The following FUS variants were observed in gnomAD, a reference collection of about 807,000 sequenced individuals.
FUS encodes RNA-binding protein FUS.
Under a neutral mutation model 82.7 loss-of-function variants are expected in FUS, and 5 were observed. The ratio of observed to expected loss-of-function variants is 0.06; its 90% CI spans 0.03 to 0.13. The LOEUF (loss-of-function observed/expected upper bound fraction) is 0.13, where lower values mean the gene tolerates loss of function less well. FUS is among the 10% of genes least tolerant of loss of function. FUS has a pLI of 1.00. For synonymous variants in FUS, 281 were observed against 247.4 expected (o/e 1.14, Z -1.27); for missense variants, 512 against 707.8 (o/e 0.72, Z 3.14).
At chr16:31,189,283 C>A in intron 9 of FUS, 57 bp downstream of exon 9, 1 of 1,252,586 alleles carries the variant, frequency 8.0e-7, no homozygotes, top group Non-Finnish European at 1.2e-6. Flanking sequence ...GTGGATTTCA[C>A]ACATTAGTAA....
intron 7 of FUS, chr16:31,188,016 C>T (rs2079295640): frequency 2.1e-6 from 1 of 474,542 alleles, no homozygotes; most frequent in Non-Finnish European, 3.8e-6. Context: ...TAATGGGTCT[C>T]CGTTTCCCCT....
chr16:31,192,219 C>A (rs1555509854), downstream of FUS: 7 of 526,112 alleles, frequency 1.3e-5, no homozygotes, highest in South Asian at 1.1e-4. Flanking sequence ...AGGTCATTGA[C>A]ATTATGAGAT....
intron 6 of FUS, 153 bp from the exon 7 acceptor site, chr16:31,186,649 A>AG: frequency 1.4e-6 from 1 of 715,282 alleles, no homozygotes; most frequent in East Asian, 2.7e-5. Flanking sequence ...AGGTCAGACA[A>AG]GGGGTGGTCA....
In FUS at chr16:31,189,101, ATT is replaced by A. The variant is rs760802136; in HGVS notation, c.833-19_833-18del. The A allele has an allele frequency of 2.5e-6, 4 of 1,577,208 alleles. No homozygotes were observed. The South Asian group carries it at 4.4e-5, about 17-fold the overall frequency. ...TTTTATTTTACCTTTTCACATTTGC[ATT>A]TTCTCTGTTCAACAAGCAGAACAGG... On this transcript the variant is annotated intron_variant, in intron 8 of 14. Coordinates refer to ENST00000254108, the MANE Select transcript of FUS (RefSeq NM_004960.4).
intron 3 of FUS, 72 bp downstream of exon 3, chr16:31,182,736 A>T (rs1279805721): frequency 6.3e-7 from 1 of 1,593,748 alleles, no homozygotes; most frequent in Non-Finnish European, 8.6e-7. Context: ...TGTTTTTTGG[A>T]GACGGAGTCT....
chr16:31,189,618 G>A, intron 9 of FUS, 47 bp from the exon 10 acceptor site: 1 of 1,613,334 alleles, frequency 6.2e-7, no homozygotes, highest in Non-Finnish European at 8.5e-7. Context: ...TGGAAAGGGA[G>A]TACTGTAGCC....
chr16:31,194,278 G>A (rs1217421502), downstream of FUS: 2 of 528,780 alleles, frequency 3.8e-6, no homozygotes, highest in South Asian at 3.1e-5. Flanking sequence ...CTTCCTTCCA[G>A]TCTCATCCTT....
In FUS at chr16:31,185,629, A is replaced by G. The variant is rs533172623; in HGVS notation, c.764+450A>G. ...TGACTTCAGCTTCCAGGAATTGGCT[A>G]CTCTTCCCGTTTTCTATAGTCATTT... On this transcript the variant is annotated intron_variant, in intron 6 of 14. Coordinates refer to ENST00000254108, the MANE Select transcript of FUS (RefSeq NM_004960.4). 44 of 489,018 alleles carry G rather than the reference A, an allele frequency of 9.0e-5. 2 individuals carry two copies. Among genetic ancestry groups the G allele is most frequent in the South Asian group, 6.8e-4 (43 of 62,870 alleles). The allele number at this position is 489,018 out of a possible 1,614,324, so 30.3% of individuals were successfully genotyped here.
chr16:31,184,542 C>T (rs2079232861), intron 5 of FUS, 146 bp downstream of exon 5: 13 of 840,778 alleles, frequency 1.5e-5, no homozygotes, highest in South Asian at 3.1e-5. Context: ...CTTCCGGGTT[C>T]GCGCCAGTCT....
At position 31,180,171 on chromosome 16, in the gene FUS, G is replaced by T. The variant is rs370320909; in HGVS notation, c.-44G>T. On this transcript the variant is annotated 5_prime_UTR_variant, in exon 1 of 15. Transcript: ENST00000254108. ...CCTCCAGGCGTCGGTACTCAGCGGT[G>T]TTGGAACTTCGTTGCTTGCTTGCCT... The T allele has an allele frequency of 6.2e-6, 10 of 1,605,584 alleles. No homozygotes were observed. The highest frequency in any genetic ancestry group is 1.1e-5 in the South Asian group (1 of 89,744).
In FUS at chr16:31,185,138, C is replaced by T. The variant is rs2144114844; in HGVS notation, c.723C>T (p.Pro241=). 1.2e-6 allele frequency: 2 copies of T among 1,610,936 alleles called. No homozygotes were observed. The highest frequency in any genetic ancestry group is 2.2e-5 in the South Asian group (2 of 90,764). The part of the protein sequence containing the change: ...GYNRSSGGYE[P]RGRGGGRGGR... Reference sequence around the variant, plus strand: ...ACCGCAGCAGTGGTGGCTATGAACCCAGAGGTCGTGGAGGTGGCCGTGGAG... The same window carrying T: ...ACCGCAGCAGTGGTGGCTATGAACCTAGAGGTCGTGGAGGTGGCCGTGGAG... Residue 241 remains proline (P), a synonymous_variant, in exon 6 of 15, where the codon CCC becomes CCT. Coordinates refer to ENST00000254108, the MANE Select transcript of FUS (RefSeq NM_004960.4).
downstream of FUS, chr16:31,193,962 T>TA (rs1472275715): frequency 1.9e-6 from 1 of 532,166 alleles, no homozygotes; most frequent in Non-Finnish European, 3.6e-6. Flanking sequence ...ACTCTATTCT[T>TA]ACTGAATGAT....
downstream of FUS, chr16:31,193,653 T>G (rs983290857): frequency 3.8e-6 from 2 of 530,918 alleles, no homozygotes; most frequent in Non-Finnish European, 7.3e-6. Flanking sequence ...GACTGTTTAG[T>G]GGGTAGGTCC....
chr16:31,181,437 C>T (rs1392576824), intron 1 of FUS, among the ~76,000 whole-genome samples: 1 of 152,174 alleles, frequency 6.6e-6, no homozygotes, highest in Non-Finnish European at 1.5e-5. Flanking sequence ...ACGGAACCAT[C>T]TGGAGTCCCA....
chr16:31,190,894 T>G lies in FUS; in HGVS notation c.1393+52T>G, dbSNP rs750582927. On this transcript the variant is annotated intron_variant, in intron 13 of 14. Coordinates refer to ENST00000254108, the MANE Select transcript of FUS (RefSeq NM_004960.4). ...GAGCTGGGACCAAAGAATCCTTAAT[T>G]TTTCAGCGGGGAGGCTCGGGGAACA... 5 of 1,612,896 alleles carry G rather than the reference T, an allele frequency of 3.1e-6. No homozygotes were observed. The South Asian group carries it at 4.4e-5, about 14-fold the overall frequency.
chr16:31,186,972 G>T, intron 7 of FUS, 136 bp downstream of exon 7: 2 of 832,408 alleles, frequency 2.4e-6, no homozygotes, highest in East Asian at 2.5e-5. Flanking sequence ...AAAGGGGTAG[G>T]GTAGAATGCC....
chr16:31,188,683 C>T (rs2144128664), intron 8 of FUS: 2 of 497,650 alleles, frequency 4.0e-6, no homozygotes, highest in Non-Finnish European at 7.1e-6. Flanking sequence ...TGGATCATGT[C>T]CAAGTTGGTG....
chr16:31,188,428 A>G, intron 8 of FUS, 71 bp downstream of exon 8: 1 of 1,526,056 alleles, frequency 6.6e-7, no homozygotes, highest in African/African-American at 1.4e-5. Context: ...GTTCTTTGAA[A>G]CTATTATAAA....
intron 8 of FUS, chr16:31,188,642 G>A: frequency 1.8e-6 from 1 of 549,674 alleles, no homozygotes; most frequent in African/African-American, 1.9e-5. Flanking sequence ...ACCACACTCA[G>A]ATGGTTTACA....
Sources: gnomAD v4.1 joint callset for allele counts (sites outside exome capture counted in the v4.1 genomes callset) on GRCh38, gnomAD v4.1.1 for gene constraint, MANE v1.5 for transcripts, NCBI Gene and HGNC (gene_info 2026-07-23, HGNC 2026-07-21) for gene names.